Variants in ZNF697 observed in about 807,000 individuals in gnomAD.
The protein encoded by ZNF697 is zinc finger protein 697.
A neutral mutation model predicts 32.4 loss-of-function variants in ZNF697; 23 were observed. The ratio of observed to expected loss-of-function variants is 0.71; its 90% confidence interval spans 0.51 to 1.01. ZNF697 has a LOEUF of 1.01. Ranked by LOEUF, ZNF697 falls within the 50% of genes least tolerant of loss-of-function variation. The probability of loss-of-function intolerance (pLI) is 0.00; values close to 1 mark genes in which losing one functional copy is unlikely to be tolerated. For synonymous variants in ZNF697, 418 were observed against 337.2 expected, an observed-to-expected ratio of 1.24 and a Z score of -2.62; for missense variants, 930 against 794.0, an observed-to-expected ratio of 1.17 and a Z score of -2.06.
rs587754941 is a variant in ZNF697, at chr1:119,646,145, C to T, written c.-38+1546G>A. Among the ~76,000 whole-genome samples the T allele has an allele frequency of 2.9e-4, 44 of 152,238 alleles. 1 individual carries two copies. Among genetic ancestry groups the T allele is most frequent in the Middle Eastern group, 3.4e-3 (1 of 294 alleles). ...GCCGGTTCTTCTGTCTGACTAGCAT[C>T]CATTTACCCCTCTATCCCAGTAGTT... On this transcript the variant is annotated intron_variant, in intron 1 of 2. Transcript: ENST00000421812.
In ZNF697 at chr1:119,626,078, C is replaced by T; in HGVS notation, c.23G>A (p.Gly8Asp). Residue 8 changes from glycine (G) to aspartate (D), a missense_variant, in exon 2 of 3, where the codon GGT becomes GAT. By Grantham distance (94) the Gly-to-Asp change is moderately conservative. Coordinates refer to ENST00000421812, the MANE Select transcript of ZNF697 (RefSeq NM_001080470.2). ...TTCTGAGTCCTGGTGTGCACAGACACCCTGATTATCTTCTTGTTTCATCCA... is the reference window on the plus strand; with the variant it reads ...TTCTGAGTCCTGGTGTGCACAGACATCCTGATTATCTTCTTGTTTCATCCA... MKQEDNQ[G>D]VCAHQDSEDK... 6.2e-7 allele frequency: 1 copy of T among 1,613,908 alleles called. No individual in the cohort carries two copies. Among genetic ancestry groups the T allele is most frequent in the South Asian group, 1.1e-5 (1 of 91,084 alleles).
rs1228617559 is a variant in ZNF697, at chr1:119,623,494, G to A, written c.849C>T (p.His283=). The change falls in exon 3 of 3, where the codon CAC becomes CAT. Residue 283 remains histidine (H), a synonymous_variant. Coordinates refer to ENST00000421812, the MANE Select transcript of ZNF697 (RefSeq NM_001080470.2). The stretch of plus-strand genomic sequence containing the variant: ...CGCACAGGTTGGGCCGCTCGCCCGT[G>A]TGCAGGCGCAGGTGGTTGGTCAGGT... ...NTYLTNHLRL[H]TGERPNLCAD... 32 of 1,570,644 alleles carry A rather than the reference G, an allele frequency of 2.0e-5. No individual in the cohort carries two copies. In the East Asian group the frequency reaches 7.8e-4, roughly 38 times the overall value.
chr1:119,628,668 A>G (rs1381171987), intron 1 of ZNF697, among the ~76,000 whole-genome samples: 1 of 152,228 alleles, frequency 6.6e-6, no homozygotes, highest in Non-Finnish European at 1.5e-5. Context: ...TTGTTTTAAA[A>G]TGCATTATGT....
chr1:119,624,222 T>C, intron 2 of ZNF697, 106 bp from the exon 3 acceptor site: 1 of 1,332,802 alleles, frequency 7.5e-7, no homozygotes, highest in Non-Finnish European at 1.0e-6. Context: ...CCTCAGGCAC[T>C]CTGGATCCCT....
chr1:119,623,261 C>T lies in ZNF697; in HGVS notation c.1082G>A (p.Gly361Asp), dbSNP rs1053091292. Residue 361 changes from glycine (G) to aspartate (D), a missense_variant, in exon 3 of 3, where the codon GGC (glycine) becomes GAC (aspartate). Coordinates refer to ENST00000421812, the MANE Select transcript of ZNF697 (RefSeq NM_001080470.2). ...RPFACGECGK[G>D]FVRRSHLANH... The stretch of plus-strand genomic sequence containing the variant: ...GGCCAGGTGCGAACGGCGCACGAAG[C>T]CCTTGCCGCACTCCCCGCAGGCGAA... The T allele has an allele frequency of 1.9e-6, 3 of 1,540,040 alleles. No homozygotes were observed. Among genetic ancestry groups the T allele is most frequent in the Middle Eastern group, 1.7e-4 (1 of 5,948 alleles).
chr1:119,623,329 C>T lies in ZNF697; in HGVS notation c.1014G>A (p.Ala338=). 5 of 1,337,180 alleles carry T rather than the reference C, an allele frequency of 3.7e-6. No homozygotes were observed. Among genetic ancestry groups the T allele is most frequent in the East Asian group, 3.3e-5 (1 of 30,156 alleles). 82.8% of individuals were successfully genotyped at this position (1,337,180 alleles called of 1,614,324 possible). A position where few individuals can be genotyped will look rare whatever the true frequency, so the allele number is the denominator to read the frequency against. ...LSSHLLSHRR[A]HAAASGAGAA... ...CCCCCGCGCCGCTGGCCGCCGCGTG[C>T]GCGCGCCGGTGGCTCAACAGATGCG... Residue 338 remains alanine, a synonymous_variant, in exon 3 of 3, where the codon GCG becomes GCA. Transcript: ENST00000421812.
At chr1:119,635,679 T>G (rs1385289733) in intron 1 of ZNF697, among the ~76,000 whole-genome samples, 1 of 152,120 alleles carries the variant, frequency 6.6e-6, no homozygotes, top group Admixed American at 6.5e-5. Flanking sequence ...CTCCCTAGAA[T>G]CACCTTCTAA....
chr1:119,641,337 C>T (rs1649065342), intron 1 of ZNF697, among the ~76,000 whole-genome samples: 2 of 151,912 alleles, frequency 1.3e-5, no homozygotes, highest in African/African-American at 4.8e-5. Context: ...TAAATTAAAT[C>T]TGGCACACAT....
At chr1:119,634,567 G>T (rs746394443) in intron 1 of ZNF697, among the ~76,000 whole-genome samples, 2 of 152,168 alleles carry the variant, frequency 1.3e-5, no homozygotes, top group Non-Finnish European at 2.9e-5. Context: ...TTAAAAACAG[G>T]TTTGAAATAA....
Position 119,648,182 on chromosome 1 carries a change from G to GTGGCCCGCTGGC in ZNF697, c.-541_-530dup, listed in dbSNP as rs1553230545. ...CGGCGGCGGCTGCAGCGGCCGCTGG[G>GTGGCCCGCTGGC]TGGCCCGCTGGCTGGCTGGTTGGCT... On this transcript the variant is annotated 5_prime_UTR_variant, in exon 1 of 3. Transcript: ENST00000421812. Among the ~76,000 whole-genome samples, 1 of 138,088 alleles carries GTGGCCCGCTGGC rather than the reference G, an allele frequency of 7.2e-6. No homozygotes were observed. The highest frequency in any genetic ancestry group is 2.6e-5 in the African/African-American group (1 of 39,202). The allele number at this position is 138,088 out of a possible 152,430, so 90.6% of individuals were successfully genotyped here.
In ZNF697 at chr1:119,623,210, T is replaced by C; in HGVS notation, c.1133A>G (p.Glu378Gly). 3 of 1,574,352 alleles carry C rather than the reference T, an allele frequency of 1.9e-6. No individual in the cohort carries two copies. The highest frequency in any genetic ancestry group is 2.6e-6 in the Non-Finnish European group (3 of 1,160,372). ...GCACTCGCCACAGCCGTGCGGCTTC[T>C]CGCCCGTGTGGATGCGCTGGTGGTT... is the stretch of plus-strand genomic sequence containing the variant. ...LANHQRIHTG[E>G]KPHGCGECGK... Residue 378 changes from glutamate to glycine, a missense_variant, in exon 3 of 3, where the codon GAG (glutamate) becomes GGG (glycine). Glu to Gly is a moderately conservative substitution (Grantham distance 98). Coordinates refer to ENST00000421812, the MANE Select transcript of ZNF697 (RefSeq NM_001080470.2).
rs1479282659 is a variant in ZNF697 at position 119,622,729 on chromosome 1, C to T, written c.1614G>A (p.Gln538=). Residue 538 remains glutamine (Q), a synonymous_variant, in exon 3 of 3, where the codon CAG becomes CAA. Coordinates refer to ENST00000421812, the MANE Select transcript of ZNF697 (RefSeq NM_001080470.2). The part of the protein sequence containing the change: ...KGFRYKTHLA[Q]HQKLHLC Reference sequence around the variant, plus strand: ...CCTAACACAGGTGCAGCTTCTGGTGCTGCGCGAGGTGCGTTTTATAGCGGA... The same window carrying T: ...CCTAACACAGGTGCAGCTTCTGGTGTTGCGCGAGGTGCGTTTTATAGCGGA... The T allele has an allele frequency of 6.5e-7, 1 of 1,549,802 alleles. No homozygotes were observed. The highest frequency in any genetic ancestry group is 8.7e-7 in the Non-Finnish European group (1 of 1,146,134).
At chr1:119,640,625 G>A (rs1051408943) in intron 1 of ZNF697, among the ~76,000 whole-genome samples, 3 of 152,222 alleles carry the variant, frequency 2.0e-5, no homozygotes, top group Admixed American at 1.3e-4. Context: ...GTGGCACAGT[G>A]CTGTTTATGT....
At position 119,623,709 on chromosome 1, in the gene ZNF697, G is replaced by A; in HGVS notation, c.634C>T (p.Arg212Cys). 6.6e-7 allele frequency: 1 copy of A among 1,522,834 alleles called. No homozygotes were observed. The highest frequency in any genetic ancestry group is 8.8e-7 in the Non-Finnish European group (1 of 1,135,610). The allele number at this position is 1,522,834 out of a possible 1,614,324, so 94.3% of individuals were successfully genotyped here. The change falls in exon 3 of 3, where the codon CGC becomes TGC. Residue 212 changes from arginine to cysteine, a missense_variant. Physicochemically the swap from Arg to Cys is radical, Grantham distance 180 (BLOSUM62 -3). Coordinates refer to ENST00000421812, the MANE Select transcript of ZNF697 (RefSeq NM_001080470.2). ...GCGGCGGCAGCGGCCTCAGCCAGGC[G>A]GTGAATGCGCTGGTGCTGCAGGAAG... ...AAFLQHQRIH[R>C]LAEAAAAASL...
intron 1 of ZNF697, among the ~76,000 whole-genome samples, chr1:119,629,034 A>G (rs1394143606): frequency 6.6e-6 from 1 of 152,242 alleles, no homozygotes; most frequent in Non-Finnish European, 1.5e-5. Flanking sequence ...AAACGGGCAC[A>G]GAAGTGACTA....
Position 119,622,736 on chromosome 1 carries a change from A to G in ZNF697, c.1607T>C (p.Leu536Pro). Reference sequence around the variant, plus strand: ...CAGGTGCAGCTTCTGGTGCTGCGCGAGGTGCGTTTTATAGCGGAAGCCTTT... The same window carrying G: ...CAGGTGCAGCTTCTGGTGCTGCGCGGGGTGCGTTTTATAGCGGAAGCCTTT... The part of the protein sequence containing the change: ...CGKGFRYKTH[L>P]AQHQKLHLC Residue 536 changes from leucine to proline, a missense_variant, in exon 3 of 3, where the codon CTC (leucine) becomes CCC (proline). Physicochemically the swap from Leu to Pro is moderately conservative, Grantham distance 98 (BLOSUM62 -3). Transcript: ENST00000421812. 6.4e-7 allele frequency: 1 copy of G among 1,561,772 alleles called. No individual in the cohort carries two copies. Among genetic ancestry groups the G allele is most frequent in the Non-Finnish European group, 8.7e-7 (1 of 1,152,768 alleles).
chr1:119,626,775 CT>C (rs1351230654), intron 1 of ZNF697, among the ~76,000 whole-genome samples: 1 of 152,228 alleles, frequency 6.6e-6, no homozygotes, highest in Non-Finnish European at 1.5e-5. Flanking sequence ...TGAGGATCTA[CT>C]TTGCAGGGAG....
intron 1 of ZNF697, among the ~76,000 whole-genome samples, chr1:119,632,407 G>A (rs913600471): frequency 1.3e-5 from 2 of 152,176 alleles, no homozygotes; most frequent in Admixed American, 6.5e-5. Context: ...AGTGTTGCCC[G>A]CTCTCCAGAC....
chr1:119,645,297 G>T (rs1649172686), intron 1 of ZNF697, among the ~76,000 whole-genome samples: 1 of 151,680 alleles, frequency 6.6e-6, no homozygotes. Context: ...AGATAATTAA[G>T]ATTTTTTTTA....
Sources: gnomAD v4.1 joint callset for allele counts (sites outside exome capture counted in the v4.1 genomes callset) on GRCh38, gnomAD v4.1.1 for gene constraint, MANE v1.5 for transcripts, NCBI Gene and HGNC (gene_info 2026-07-23, HGNC 2026-07-21) for gene names.